The following PKN2 variants were observed in gnomAD, a reference collection of about 807,000 sequenced individuals.
The protein encoded by PKN2 is serine/threonine-protein kinase N2.
Under a neutral mutation model 119.1 loss-of-function variants are expected in PKN2, and 38 were observed. That is an observed-to-expected ratio of 0.32 (90% CI 0.25 to 0.42). PKN2 has a LOEUF of 0.42. Among genes scored for constraint, PKN2 ranks in the 10% least tolerant of loss-of-function variants. PKN2 has a pLI of 1.00. For synonymous variants in PKN2, 390 were observed against 384.9 expected (o/e 1.01, Z -0.15); for missense variants, 850 against 1,165.1 (o/e 0.73, Z 3.94).
At chr1:88,827,793 C>T (rs1210801802) in intron 18 of PKN2, among the ~76,000 whole-genome samples, 2 of 151,998 alleles carry the variant, frequency 1.3e-5, no homozygotes, top group African/African-American at 4.8e-5. Context: ...AATCTCAGCT[C>T]ACTGCAGCCT....
At chr1:88,709,693 CAT>C (rs200381253) in intron 1 of PKN2, among the ~76,000 whole-genome samples, 1 of 152,262 alleles carries the variant, frequency 6.6e-6, no homozygotes, top group East Asian at 1.9e-4. Flanking sequence ...TAGATGTAAA[CAT>C]ATCACTTGAA....
rs1672862711 is a variant in PKN2, at chr1:88,834,479, C to G, written c.*1031C>G. 6.6e-6 allele frequency: 1 copy of G among 152,390 alleles called. No individual in the cohort carries two copies. The highest frequency in any genetic ancestry group is 1.5e-5 in the Non-Finnish European group (1 of 67,960). 9.4% of individuals were successfully genotyped at this position (152,390 alleles called of 1,614,324 possible). A position where few individuals can be genotyped will look rare whatever the true frequency, so the allele number is the denominator to read the frequency against. The stretch of plus-strand genomic sequence containing the variant: ...ATTATTTAATTTTACCACTTCATCA[C>G]TTTTGTACAGTGGCCAAGCAGACAC... On this transcript the variant is annotated 3_prime_UTR_variant, in exon 22 of 22. Coordinates refer to ENST00000370521, the MANE Select transcript of PKN2 (RefSeq NM_006256.4).
intron 17 of PKN2, 129 bp downstream of exon 17, chr1:88,822,132 A>G (rs974519443): frequency 1.2e-6 from 1 of 817,024 alleles, no homozygotes; most frequent in African/African-American, 1.8e-5. Flanking sequence ...CTGTAAGTCA[A>G]ACCCCAATGT....
At chr1:88,776,033 G>A (rs1348333894) in intron 6 of PKN2, among the ~76,000 whole-genome samples, 1 of 151,664 alleles carries the variant, frequency 6.6e-6, no homozygotes, top group Admixed American at 6.6e-5. Flanking sequence ...GCGTGAACCT[G>A]GGAGGCGGAG....
Position 88,719,559 on chromosome 1 carries a change from T to C in PKN2, c.49-21429T>C, listed in dbSNP as rs542217396. Among the ~76,000 whole-genome samples, 12 of 152,304 alleles carry C rather than the reference T, an allele frequency of 7.9e-5. No homozygotes were observed. The South Asian group carries it at 2.5e-3, about 32-fold the overall frequency. On this transcript the variant is annotated intron_variant, in intron 1 of 21. Coordinates refer to ENST00000370521, the MANE Select transcript of PKN2 (RefSeq NM_006256.4). Reference sequence around the variant, plus strand: ...TCTGGGCTTTTATTTTGTAAGTTTTTCCTCTTACTATATATTTCTTTATTT... The same window carrying C: ...TCTGGGCTTTTATTTTGTAAGTTTTCCCTCTTACTATATATTTCTTTATTT...
intron 1 of PKN2, among the ~76,000 whole-genome samples, chr1:88,691,992 G>A (rs1175164134): frequency 6.6e-6 from 1 of 151,218 alleles, no homozygotes; most frequent in Non-Finnish European, 1.5e-5. Flanking sequence ...ACTGTTCGTG[G>A]TTTTAGGCAT....
chr1:88,808,385 A>G (rs1471805904), intron 15 of PKN2, among the ~76,000 whole-genome samples: 1 of 152,022 alleles, frequency 6.6e-6, no homozygotes, highest in Non-Finnish European at 1.5e-5. Context: ...GGCTCACTGC[A>G]ACCTCCACCT....
chr1:88,784,238 C>T (rs1030496824), intron 6 of PKN2, among the ~76,000 whole-genome samples: 5 of 149,454 alleles, frequency 3.3e-5, no homozygotes, highest in African/African-American at 2.5e-5. Context: ...ATTCTTGTGC[C>T]CCAGCCTCCC....
intron 16 of PKN2, among the ~76,000 whole-genome samples, chr1:88,818,983 G>A (rs901544792): frequency 6.6e-6 from 1 of 151,880 alleles, no homozygotes; most frequent in Non-Finnish European, 1.5e-5. Flanking sequence ...CCATATGCGG[G>A]GAACTGAAAC....
At chr1:88,819,705 A>C (rs1672165969) in intron 16 of PKN2, among the ~76,000 whole-genome samples, 1 of 152,198 alleles carries the variant, frequency 6.6e-6, no homozygotes, top group African/African-American at 2.4e-5. Context: ...AGACACATGC[A>C]CACGTATGTT....
At chr1:88,697,139 C>T (rs536671532) in intron 1 of PKN2, among the ~76,000 whole-genome samples, 36 of 152,130 alleles carry the variant, frequency 2.4e-4, no homozygotes, top group South Asian at 1.5e-3. Context: ...GATACATTTG[C>T]AAATTAGTCT....
At position 88,770,449 on chromosome 1, in the gene PKN2, A is replaced by G. The variant is rs1570603286; in HGVS notation, c.602A>G (p.Asn201Ser). Reference sequence around the variant, plus strand: ...CAGATTCTTCAGGCAGTCCAGACTAATGAATTGGCTTTTGATAATGGTGAT... The same window carrying G: ...CAGATTCTTCAGGCAGTCCAGACTAGTGAATTGGCTTTTGATAATGGTGAT... The part of the protein sequence containing the change: ...RMQILQAVQT[N>S]ELAFDNAKPV... Residue 201 changes from asparagine (N) to serine (S), a missense_variant, in exon 4 of 22, where the codon AAT (asparagine) becomes AGT (serine). By Grantham distance (46) the Asn-to-Ser change is conservative. This residue lies in a region of PKN2 where 350 missense variants were observed against 511.1 expected (regional missense o/e 0.68). Transcript: ENST00000370521. The G allele has an allele frequency of 1.9e-6, 3 of 1,597,374 alleles. No individual in the cohort carries two copies. Among genetic ancestry groups the G allele is most frequent in the Non-Finnish European group, 2.6e-6 (3 of 1,164,712 alleles).
chr1:88,689,777 C>G (rs745364615), intron 1 of PKN2, among the ~76,000 whole-genome samples: 9 of 152,158 alleles, frequency 5.9e-5, no homozygotes, highest in Non-Finnish European at 1.3e-4. Flanking sequence ...CGCAACTGCA[C>G]TCCAGCCTTG....
chr1:88,712,010 T>A (rs1570513442), intron 1 of PKN2, among the ~76,000 whole-genome samples: 3 of 152,252 alleles, frequency 2.0e-5, no homozygotes. Context: ...CTTACTTTTT[T>A]CCCTCTAAGC....
chr1:88,759,841 C>T (rs924834398), intron 2 of PKN2, among the ~76,000 whole-genome samples: 1 of 152,074 alleles, frequency 6.6e-6, no homozygotes, highest in African/African-American at 2.4e-5. Context: ...CCTGAACTGA[C>T]CAAAAACAAG....
chr1:88,812,743 AAC>A (rs375522732), intron 15 of PKN2, among the ~76,000 whole-genome samples: 13 of 152,138 alleles, frequency 8.5e-5, no homozygotes, highest in African/African-American at 2.9e-4. Flanking sequence ...GTCTCAAAAA[AAC>A]ACACAACTAT....
intron 18 of PKN2, among the ~76,000 whole-genome samples, chr1:88,825,679 C>T (rs926880522): frequency 6.6e-6 from 1 of 152,166 alleles, no homozygotes; most frequent in African/African-American, 2.4e-5. Context: ...ATAATAATCT[C>T]CTAATTGTTC....
intron 1 of PKN2, among the ~76,000 whole-genome samples, chr1:88,739,331 G>T (rs1668484686): frequency 6.6e-6 from 1 of 151,652 alleles, no homozygotes; most frequent in African/African-American, 2.4e-5. Flanking sequence ...GAGATTTATA[G>T]AAATCAACTA....
At chr1:88,781,983 A>G (rs987645630) in intron 6 of PKN2, among the ~76,000 whole-genome samples, 29 of 152,304 alleles carry the variant, frequency 1.9e-4, no homozygotes, top group African/African-American at 6.3e-4. Flanking sequence ...TTATTGAGGT[A>G]TAGTTTACAT....
Sources: gnomAD v4.1 joint callset for allele counts (sites outside exome capture counted in the v4.1 genomes callset) on GRCh38, gnomAD v4.1.1 for gene constraint, gnomAD v4.1.1 regional missense constraint, MANE v1.5 for transcripts, NCBI Gene and HGNC (gene_info 2026-07-23, HGNC 2026-07-21) for gene names.